Variants in GMPR observed in about 807,000 individuals in gnomAD.
The protein encoded by GMPR is GMP reductase 1.
A neutral mutation model predicts 38.4 loss-of-function variants in GMPR; 31 were observed. The observed-to-expected ratio is 0.81, with a 90% CI of 0.61 to 1.09. The LOEUF is 1.09. Ranked by LOEUF, GMPR falls within the 50% of genes least tolerant of loss-of-function variation. GMPR has a pLI of 0.00. For synonymous variants in GMPR, 162 were observed against 173.3 expected, an observed-to-expected ratio of 0.93 and a Z score of 0.51; for missense variants, 468 against 453.7, an observed-to-expected ratio of 1.03 and a Z score of -0.29.
At chr6:16,255,635 A>G (rs1001075101) in intron 4 of GMPR, among the ~76,000 whole-genome samples, 3 of 152,212 alleles carry the variant, frequency 2.0e-5, no homozygotes, top group African/African-American at 7.2e-5. Flanking sequence ...TTGGCAGAAA[A>G]AGGGACTTAG....
rs534477032 is a variant in GMPR, at chr6:16,244,189, G to A, written c.88-2653G>A. Among the ~76,000 whole-genome samples the A allele has an allele frequency of 6.0e-5, 9 of 150,626 alleles. No homozygotes were observed. In the East Asian group the frequency reaches 1.6e-3, roughly 26 times the overall value. ...CCACATTGAATTATTTAGGAATGTG[G>A]TAGGTTGTCCTCTATTTGTACTTTT... On this transcript the variant is annotated intron_variant, in intron 1 of 8. Coordinates refer to ENST00000259727, the MANE Select transcript of GMPR (RefSeq NM_006877.4).
intron 4 of GMPR, among the ~76,000 whole-genome samples, chr6:16,256,109 A>C (rs888719952): frequency 6.6e-6 from 1 of 151,662 alleles, no homozygotes; most frequent in Non-Finnish European, 1.5e-5. Flanking sequence ...CCAGCTACTT[A>C]GGAGGCTGAG....
At chr6:16,292,379 T>G (rs906765969) in intron 8 of GMPR, among the ~76,000 whole-genome samples, 2 of 152,008 alleles carry the variant, frequency 1.3e-5, no homozygotes, top group African/African-American at 4.8e-5. Context: ...GTTCTCATTC[T>G]CCTCAAGTCT....
intron 6 of GMPR, among the ~76,000 whole-genome samples, chr6:16,281,906 G>C (rs957705577): frequency 2.6e-5 from 4 of 152,166 alleles, no homozygotes; most frequent in African/African-American, 7.2e-5. Flanking sequence ...GTAGAATTTG[G>C]ACCTTTGCCC....
chr6:16,290,893 C>T (rs1384190492), intron 8 of GMPR, among the ~76,000 whole-genome samples: 2 of 152,146 alleles, frequency 1.3e-5, no homozygotes, highest in East Asian at 1.9e-4. Flanking sequence ...ATACTTCAGA[C>T]CTCTGGGGGT....
chr6:16,267,430 G>A lies in GMPR; in HGVS notation c.466-6985G>A, dbSNP rs528417817. 4.0e-5 allele frequency among the ~76,000 whole-genome samples: 6 copies of A among 151,802 alleles called. No homozygotes were observed. The South Asian group carries it at 8.4e-4, about 21-fold the overall frequency. ...CTGTGGCTTCACTCCTGAAGTCAGCGAGACCACGAACCGTCCGGGAGGAAT... is the reference window on the plus strand; with the variant it reads ...CTGTGGCTTCACTCCTGAAGTCAGCAAGACCACGAACCGTCCGGGAGGAAT... On this transcript the variant is annotated intron_variant, in intron 4 of 8. Transcript: ENST00000259727.
intron 4 of GMPR, among the ~76,000 whole-genome samples, chr6:16,272,947 G>A (rs1354515954): frequency 6.6e-6 from 1 of 152,122 alleles, no homozygotes; most frequent in Non-Finnish European, 1.5e-5. Context: ...ATAGGCGTGA[G>A]CCACTGCACT....
chr6:16,254,294 G>C (rs1477110338), intron 3 of GMPR, among the ~76,000 whole-genome samples: 3 of 152,170 alleles, frequency 2.0e-5, no homozygotes, highest in Non-Finnish European at 2.9e-5. Flanking sequence ...TCAAACTCCT[G>C]ACCTCAGGTG....
chr6:16,253,804 T>C (rs1390167536), intron 3 of GMPR, among the ~76,000 whole-genome samples: 1 of 152,242 alleles, frequency 6.6e-6, no homozygotes, highest in Admixed American at 6.5e-5. Context: ...AGCTTTCATG[T>C]GGGGAAGCCC....
intron 8 of GMPR, among the ~76,000 whole-genome samples, chr6:16,291,658 C>T (rs1759842915): frequency 6.6e-6 from 1 of 152,124 alleles, no homozygotes; most frequent in Admixed American, 6.6e-5. Flanking sequence ...TGCTTGTAAT[C>T]CCAGTGCTTC....
intron 6 of GMPR, among the ~76,000 whole-genome samples, chr6:16,282,835 G>A (rs896719199): frequency 6.7e-6 from 1 of 148,844 alleles, no homozygotes. Flanking sequence ...TTGAGACAGA[G>A]TCTTGCTTTG....
chr6:16,289,637 A>G (rs1759792756), intron 7 of GMPR: 1 of 151,314 alleles, frequency 6.6e-6, no homozygotes, highest in Non-Finnish European at 1.5e-5. Flanking sequence ...GTGGAGTTTT[A>G]GACGACTTCC....
At chr6:16,251,858 A>T (rs1002431993) in intron 3 of GMPR, among the ~76,000 whole-genome samples, 14 of 149,240 alleles carry the variant, frequency 9.4e-5, no homozygotes, top group Non-Finnish European at 1.8e-4. Flanking sequence ...AGAAGCCATT[A>T]AAAAAAAACA....
chr6:16,263,167 C>A (rs1251237146), intron 4 of GMPR: 1 of 151,722 alleles, frequency 6.6e-6, no homozygotes, highest in Non-Finnish European at 1.5e-5. Context: ...AGATTTGGGA[C>A]GAGTTGCATT....
chr6:16,288,713 G>A (rs962486300), intron 7 of GMPR, among the ~76,000 whole-genome samples: 5 of 152,232 alleles, frequency 3.3e-5, no homozygotes, highest in African/African-American at 9.6e-5. Flanking sequence ...AAGCCAGCTG[G>A]GCTCCTCAGT....
intron 4 of GMPR, among the ~76,000 whole-genome samples, chr6:16,271,205 G>T (rs1759377964): frequency 6.6e-6 from 1 of 152,120 alleles, no homozygotes; most frequent in Non-Finnish European, 1.5e-5. Flanking sequence ...TGAAATTGTG[G>T]CCGGGCGCAG....
intron 4 of GMPR, among the ~76,000 whole-genome samples, chr6:16,267,244 C>G (rs9383146): frequency 6.6e-6 from 1 of 151,378 alleles, no homozygotes; most frequent in African/African-American, 2.4e-5. Context: ...CAGTGGCGGG[C>G]GCCTGTAGTC....
In GMPR at chr6:16,247,030, C is replaced by G. The variant is rs934114734; in HGVS notation, c.207+69C>G. On this transcript the variant is annotated intron_variant, in intron 2 of 8. Transcript: ENST00000259727. ...GTGGACAGGTTATCAGGAGCCGACC[C>G]TGGCTTTATTCAGACACAAGGAAGA... 2.3e-5 allele frequency: 33 copies of G among 1,465,398 alleles called. No individual in the cohort carries two copies. In the Admixed American group the frequency reaches 3.2e-4, roughly 14 times the overall value. The allele number at this position is 1,465,398 out of a possible 1,614,324, so 90.8% of individuals were successfully genotyped here.
chr6:16,283,276 T>C (rs990612053), intron 6 of GMPR, among the ~76,000 whole-genome samples: 4 of 152,210 alleles, frequency 2.6e-5, no homozygotes, highest in Non-Finnish European at 5.9e-5. Flanking sequence ...ACAAACAAAT[T>C]ACAAGCCCAA....
Sources: gnomAD v4.1 joint callset for allele counts (sites outside exome capture counted in the v4.1 genomes callset) on GRCh38, gnomAD v4.1.1 for gene constraint, MANE v1.5 for transcripts, NCBI Gene and HGNC (gene_info 2026-07-23, HGNC 2026-07-21) for gene names.